The following PRELID2 variants were observed in gnomAD, a reference collection of about 807,000 sequenced individuals.
The protein encoded by PRELID2 is PRELI domain-containing protein 2.
In PRELID2, 25 loss-of-function variants were observed where a neutral mutation model predicts 28.4. The observed-to-expected ratio is 0.88, with a 90% confidence interval of 0.64 to 1.23. PRELID2 has a LOEUF of 1.23. Ranked by LOEUF, PRELID2 falls within the 50% of genes most tolerant of loss-of-function variation. PRELID2 has a pLI of 0.00. For synonymous variants in PRELID2, 76 were observed against 71.6 expected (o/e 1.06, Z -0.31); for missense variants, 201 against 214.4 (o/e 0.94, Z 0.39).
chr5:145,362,469 T>G, the PRELID2 span, among the ~76,000 whole-genome samples: 1 of 152,158 alleles, frequency 6.6e-6, no homozygotes, highest in Non-Finnish European at 1.5e-5. Flanking sequence ...CCTTATTTGT[T>G]TCTCCTGAAT....
intron 1 of PRELID2, among the ~76,000 whole-genome samples, chr5:145,518,177 A>AATAATAATG (rs1331113788): frequency 1.5e-5 from 2 of 137,764 alleles, no homozygotes; most frequent in Non-Finnish European, 3.2e-5. Flanking sequence ...TAATAATAAT[A>AATAATAATG]ATGATGTCAT....
At chr5:145,615,547 C>T (rs940434572) in intron 1 of PRELID2, among the ~76,000 whole-genome samples, 4 of 147,888 alleles carry the variant, frequency 2.7e-5, no homozygotes, top group Admixed American at 1.4e-4. Flanking sequence ...AGGATGGTCT[C>T]GATCTCCTGA....
At chr5:145,549,794 CAAAAA>C (rs891893051) in intron 1 of PRELID2, among the ~76,000 whole-genome samples, 8 of 137,788 alleles carry the variant, frequency 5.8e-5, no homozygotes, top group Non-Finnish European at 1.3e-4. Context: ...GATTCAGTCT[CAAAAA>C]AAGAAAAAAA....
chr5:145,828,309 A>G (rs761629119), intron 1 of PRELID2, among the ~76,000 whole-genome samples: 4 of 152,238 alleles, frequency 2.6e-5, no homozygotes, highest in Non-Finnish European at 4.4e-5. Context: ...TGGTTTTGCT[A>G]CTAACAAATG....
the PRELID2 span, among the ~76,000 whole-genome samples, chr5:145,286,716 GTTTGTTTGTTTT>G: frequency 3.0e-3 from 190 of 63,084 alleles, no homozygotes; most frequent in African/African-American, 0.014. Flanking sequence ...TTTTTTGTTT[GTTTGTTTGTTTT>G]TTTTTTTTTT....
intron 1 of PRELID2, among the ~76,000 whole-genome samples, chr5:145,592,638 T>A (rs1418650012): frequency 6.6e-6 from 1 of 152,094 alleles, no homozygotes; most frequent in Non-Finnish European, 1.5e-5. Flanking sequence ...AATCCAATCA[T>A]AAAATTTTTG....
At chr5:145,312,629 C>T in the PRELID2 span, among the ~76,000 whole-genome samples, 4 of 152,242 alleles carry the variant, frequency 2.6e-5, no homozygotes, top group South Asian at 2.1e-4. Flanking sequence ...CTGTGTCTGG[C>T]TTATTTCACT....
the PRELID2 span, among the ~76,000 whole-genome samples, chr5:145,320,446 AT>A: frequency 1.3e-5 from 2 of 151,410 alleles, no homozygotes; most frequent in Non-Finnish European, 1.5e-5. Flanking sequence ...AATTTTTTGT[AT>A]TTTTTTTAGT....
In PRELID2 at chr5:145,834,883, T is replaced by A. The variant is rs1755833135; in HGVS notation, c.75+294A>T. On this transcript the variant is annotated intron_variant, in intron 1 of 6. Transcript: ENST00000683046. ...TGAACCGGAAAGCTCCACACGTCGG[T>A]CATCTGCAACTCCACGGAGCTCACG... The A allele has an allele frequency of 7.0e-5, 24 of 341,478 alleles. No homozygotes were observed. The South Asian group carries it at 1.8e-3, about 26-fold the overall frequency. The allele number at this position is 341,478 out of a possible 1,614,324, so 21.2% of individuals were successfully genotyped here. A position where few individuals can be genotyped will look rare whatever the true frequency, so the allele number is the denominator to read the frequency against.
intron 5 of PRELID2, among the ~76,000 whole-genome samples, chr5:145,768,223 C>CAAAAA (rs35135521): frequency 2.5e-5 from 2 of 80,730 alleles, no homozygotes. Context: ...GACTCTGTCT[C>CAAAAA]AAAAAAAAAA....
intron 5 of PRELID2, among the ~76,000 whole-genome samples, chr5:145,777,515 T>C (rs969036460): frequency 6.6e-6 from 1 of 152,222 alleles, no homozygotes; most frequent in African/African-American, 2.4e-5. Context: ...CACTTCTCTA[T>C]GCCTCCTCAA....
intron 1 of PRELID2, among the ~76,000 whole-genome samples, chr5:145,514,999 C>T (rs1752503937): frequency 1.3e-5 from 2 of 152,074 alleles, no homozygotes; most frequent in Admixed American, 1.3e-4. Flanking sequence ...TAGGACATAG[C>T]TGAAGCAGTG....
At chr5:145,441,480 A>C in the PRELID2 span, among the ~76,000 whole-genome samples, 1 of 152,120 alleles carries the variant, frequency 6.6e-6, no homozygotes, top group Non-Finnish European at 1.5e-5. Context: ...TTACAAACTG[A>C]GTGATTGTTT....
At chr5:145,432,827 T>C in the PRELID2 span, among the ~76,000 whole-genome samples, 1 of 152,178 alleles carries the variant, frequency 6.6e-6, no homozygotes, top group African/African-American at 2.4e-5. Flanking sequence ...GTGCCCTATA[T>C]AAATCTCTGA....
At position 145,764,534 on chromosome 5, in the gene PRELID2, C is replaced by T. The variant is rs115303551; in HGVS notation, c.*10+397G>A. Among the ~76,000 whole-genome samples the T allele has an allele frequency of 2.5e-3, 378 of 152,358 alleles. 1 individual carries two copies. Among genetic ancestry groups the T allele is most frequent in the African/African-American group, 8.0e-3 (333 of 41,584 alleles). The stretch of plus-strand genomic sequence containing the variant: ...GATATTTGTTTCACTGGCCAATCAA[C>T]ATGCCCCTTCCTTGTTTCTCTTCCT... On this transcript the variant is annotated intron_variant, in intron 6 of 6. Coordinates refer to ENST00000683046, the MANE Select transcript of PRELID2 (RefSeq NM_205846.3).
intron 1 of PRELID2, among the ~76,000 whole-genome samples, chr5:145,489,596 A>T (rs1244758206): frequency 6.6e-6 from 1 of 152,182 alleles, no homozygotes; most frequent in East Asian, 1.9e-4. Context: ...TGTAACAACA[A>T]AGCCCTTTCT....
chr5:145,353,107 C>T, the PRELID2 span, among the ~76,000 whole-genome samples: 1 of 152,134 alleles, frequency 6.6e-6, no homozygotes. Context: ...TTTATAGCAG[C>T]ACCCCACTCT....
At chr5:145,425,785 C>T in the PRELID2 span, among the ~76,000 whole-genome samples, 2 of 151,910 alleles carry the variant, frequency 1.3e-5, no homozygotes, top group African/African-American at 4.8e-5. Context: ...ATGACGATGG[C>T]ACACATTTAA....
intron 1 of PRELID2, among the ~76,000 whole-genome samples, chr5:145,522,253 G>A (rs1239338235): frequency 6.6e-6 from 1 of 151,912 alleles, no homozygotes; most frequent in Non-Finnish European, 1.5e-5. Flanking sequence ...AGTCCCTTTT[G>A]CATTTTTACA....
Sources: allele counts gnomAD v4.1 joint callset (sites outside exome capture counted in the v4.1 genomes callset), GRCh38; gene constraint gnomAD v4.1.1; transcripts MANE v1.5; gene names NCBI Gene and HGNC (gene_info 2026-07-23, HGNC 2026-07-21).